Variants in TAF3 observed in about 807,000 individuals in gnomAD.
TAF3 encodes the protein transcription initiation factor TFIID subunit 3.
A neutral mutation model predicts 80.6 loss-of-function variants in TAF3; 7 were observed. That is an observed-to-expected ratio of 0.09 (90% CI 0.05 to 0.16). The LOEUF (loss-of-function observed/expected upper bound fraction) is 0.16, where lower values mean the gene tolerates loss of function less well. TAF3 is among the 10% of genes least tolerant of loss of function. The probability of loss-of-function intolerance (pLI) is 1.00; values close to 1 mark genes in which losing one functional copy is unlikely to be tolerated. For missense variants in TAF3, 921 were observed against 1,140.2 expected (o/e 0.81, Z 2.77); for synonymous variants, 444 against 446.1 (o/e 1.00, Z 0.06).
intron 2 of TAF3, among the ~76,000 whole-genome samples, chr10:7,861,579 T>A (rs905795625): frequency 1.3e-5 from 2 of 152,202 alleles, no homozygotes; most frequent in Non-Finnish European, 2.9e-5. Flanking sequence ...TATATAATTC[T>A]GTACTGATTT....
intron 2 of TAF3, among the ~76,000 whole-genome samples, chr10:7,951,487 A>G (rs150303047): frequency 2.2e-3 from 330 of 152,282 alleles, no homozygotes; most frequent in African/African-American, 7.5e-3. Flanking sequence ...CAGTGGTTGC[A>G]GGTTTCCCAA....
intron 2 of TAF3, among the ~76,000 whole-genome samples, chr10:7,844,441 A>ATCTCGGC (rs1190601269): frequency 1.4e-5 from 2 of 144,252 alleles, no homozygotes; most frequent in Non-Finnish European, 3.0e-5. Flanking sequence ...CAGTGGCGCG[A>ATCTCGGC]TCTCGGCTCA....
intron 2 of TAF3, among the ~76,000 whole-genome samples, chr10:7,919,190 G>A (rs1343585077): frequency 1.3e-5 from 2 of 152,204 alleles, no homozygotes; most frequent in African/African-American, 4.8e-5. Context: ...GTCCTAGGAG[G>A]CCTAGCTTCT....
intron 2 of TAF3, among the ~76,000 whole-genome samples, chr10:7,842,061 G>C (rs1196269614): frequency 6.6e-6 from 1 of 151,860 alleles, no homozygotes; most frequent in African/African-American, 2.4e-5. Context: ...GTGGGAGGCA[G>C]AGGCCCTCCT....
chr10:7,990,462 C>T (rs1831823001), intron 4 of TAF3, among the ~76,000 whole-genome samples: 2 of 152,258 alleles, frequency 1.3e-5, no homozygotes, highest in Admixed American at 6.5e-5. Context: ...CTTCAAAGTA[C>T]GTGGTCAGGG....
intron 2 of TAF3, among the ~76,000 whole-genome samples, chr10:7,931,162 G>A (rs906008304): frequency 8.5e-5 from 13 of 152,052 alleles, no homozygotes; most frequent in East Asian, 7.7e-4. Context: ...AAAATGCATC[G>A]AGTGTTTAAT....
At chr10:7,895,829 G>C (rs1453590062) in intron 2 of TAF3, among the ~76,000 whole-genome samples, 1 of 152,204 alleles carries the variant, frequency 6.6e-6, no homozygotes, top group Admixed American at 6.5e-5. Context: ...AATGTGCGCA[G>C]TTTTTCTGGC....
rs572803864 is a variant in TAF3 at position 7,933,341 on chromosome 10, C to T, written c.410-30579C>T. Among the ~76,000 whole-genome samples the T allele has an allele frequency of 2.6e-5, 4 of 152,324 alleles. No individual in the cohort carries two copies. The South Asian group carries it at 8.3e-4, about 32-fold the overall frequency. ...GTTAGATCACATCTTGCTCACTCTG[C>T]ATCTCCCCAGAGCAGTAGCTTCATG... On this transcript the variant is annotated intron_variant, in intron 2 of 6. Coordinates refer to ENST00000344293, the MANE Select transcript of TAF3 (RefSeq NM_031923.4).
At chr10:7,975,231 GA>G (rs1005982891) in intron 3 of TAF3, 20 of 176,586 alleles carry the variant, frequency 1.1e-4, no homozygotes, top group African/African-American at 4.5e-4. Flanking sequence ...GTAGGGAATT[GA>G]CAGAGCTCTC....
In TAF3 at chr10:8,003,714, A is replaced by G. The variant is rs150725266; in HGVS notation, c.2316-5364A>G. 8.3e-4 allele frequency among the ~76,000 whole-genome samples: 127 copies of G among 152,360 alleles called. 2 individuals are homozygous for G. The highest frequency in any genetic ancestry group is 2.9e-3 in the African/African-American group (122 of 41,588). On this transcript the variant is annotated intron_variant, in intron 4 of 6. Transcript: ENST00000344293. ...AAATACTCCTCCCTTCTCTAGTTAC[A>G]TATGCCTACATTAAAGAGATTTGCA...
At chr10:7,979,222 T>A (rs964880865) in intron 4 of TAF3, among the ~76,000 whole-genome samples, 1 of 151,754 alleles carries the variant, frequency 6.6e-6, no homozygotes, top group Non-Finnish European at 1.5e-5. Context: ...CAGGTGCCTG[T>A]AGTCCCAGCT....
rs185190453 is a variant in TAF3 at position 7,951,364 on chromosome 10, C to T, written c.410-12556C>T. Among the ~76,000 whole-genome samples, 210 of 152,334 alleles carry T rather than the reference C, an allele frequency of 1.4e-3. 1 individual carries two copies. Among genetic ancestry groups the T allele is most frequent in the African/African-American group, 4.7e-3 (195 of 41,568 alleles). Reference sequence around the variant, plus strand: ...CTGGACGAGGCTGGGATCACCCATACATTTACTGTTGGCTGGTGGTCAGTG... The same window carrying T: ...CTGGACGAGGCTGGGATCACCCATATATTTACTGTTGGCTGGTGGTCAGTG... On this transcript the variant is annotated intron_variant, in intron 2 of 6. Coordinates refer to ENST00000344293, the MANE Select transcript of TAF3 (RefSeq NM_031923.4).
chr10:7,872,732 T>G (rs554259063), intron 2 of TAF3, among the ~76,000 whole-genome samples: 53 of 152,350 alleles, frequency 3.5e-4, no homozygotes, highest in African/African-American at 1.2e-3. Context: ...ATTCTTTATA[T>G]AATTTCTTTT....
chr10:7,950,665 C>G (rs893684228), intron 2 of TAF3, among the ~76,000 whole-genome samples: 1 of 152,316 alleles, frequency 6.6e-6, no homozygotes, highest in Middle Eastern at 3.4e-3. Flanking sequence ...GATTCTGTTT[C>G]TCACAATCAT....
intron 2 of TAF3, among the ~76,000 whole-genome samples, chr10:7,907,999 T>C (rs1427987290): frequency 6.6e-6 from 1 of 152,174 alleles, no homozygotes; most frequent in African/African-American, 2.4e-5. Flanking sequence ...GTAGAAGAAG[T>C]TGGCAGTGGT....
chr10:7,835,627 A>G (rs767927247), intron 2 of TAF3, among the ~76,000 whole-genome samples: 2 of 152,020 alleles, frequency 1.3e-5, no homozygotes, highest in Non-Finnish European at 2.9e-5. Flanking sequence ...ATTGGATCTC[A>G]CTCAGCCCCT....
chr10:7,915,223 GC>G (rs552440890), intron 2 of TAF3, among the ~76,000 whole-genome samples: 132 of 151,410 alleles, frequency 8.7e-4, no homozygotes, highest in Non-Finnish European at 1.4e-3. Context: ...TACGGGCAGG[GC>G]ATGAGCCACT....
chr10:7,931,543 T>C (rs1837869306), intron 2 of TAF3, among the ~76,000 whole-genome samples: 1 of 152,206 alleles, frequency 6.6e-6, no homozygotes, highest in South Asian at 2.1e-4. Context: ...TCTACACTTC[T>C]GACATAATGA....
intron 2 of TAF3, among the ~76,000 whole-genome samples, chr10:7,902,352 G>GGT (rs1311503623): frequency 6.6e-6 from 1 of 152,132 alleles, no homozygotes; most frequent in Non-Finnish European, 1.5e-5. Flanking sequence ...GAACCTGGGA[G>GGT]GTAGAGGTTT....
Sources: gnomAD v4.1 joint callset for allele counts (sites outside exome capture counted in the v4.1 genomes callset) on GRCh38, gnomAD v4.1.1 for gene constraint, MANE v1.5 for transcripts, NCBI Gene and HGNC (gene_info 2026-07-23, HGNC 2026-07-21) for gene names.